DDX51: variants seen among roughly 807,000 people sequenced by gnomAD.
DDX51 encodes ATP-dependent RNA helicase DDX51.
Under a neutral mutation model 74.6 loss-of-function variants are expected in DDX51, and 67 were observed. The observed-to-expected ratio is 0.90, with a 90% CI of 0.74 to 1.10. The LOEUF is 1.10. Among genes scored for constraint, DDX51 ranks in the 50% least tolerant of loss-of-function variants. DDX51 has a pLI of 0.00. For synonymous variants in DDX51, 545 were observed against 402.9 expected, an observed-to-expected ratio of 1.35 and a Z score of -4.22; for missense variants, 1,056 against 905.2, an observed-to-expected ratio of 1.17 and a Z score of -2.14.
At position 132,144,290 on chromosome 12, in the gene DDX51, G is replaced by C. The variant is rs1897613252; in HGVS notation, c.7C>G (p.Leu3Val). 7.5e-7 allele frequency: 1 copy of C among 1,330,064 alleles called. No individual in the cohort carries two copies. 82.4% of individuals were successfully genotyped at this position (1,330,064 alleles called of 1,614,324 possible). A position where few individuals can be genotyped will look rare whatever the true frequency, so the allele number is the denominator to read the frequency against. MA[L>V]FYVARYPGPD... is the part of the protein sequence containing the mutation. ...CCCGGGTACCGCGCGACGTAGAACA[G>C]CGCCATGGCCAGCCGCACGCCTGGG... Residue 3 changes from leucine to valine, a missense_variant, in exon 1 of 15, where the codon CTG becomes GTG. Coordinates refer to ENST00000397333, the MANE Select transcript of DDX51 (RefSeq NM_175066.4).
rs759154788 is a variant in DDX51, at chr12:132,140,428, G to C, written c.1668C>G (p.Ile556Met). ...GCCCCTGCCCAGGAACTCACAGCTG[G>C]ATCTTCCCCTGTTCAAACTGCTTCA... The part of the protein sequence containing the change: ...MILKQFEQGK[I>M]QLLISTDATA... Residue 556 changes from isoleucine (I) to methionine (M), a missense_variant, in exon 11 of 15, where the codon ATC becomes ATG. By Grantham distance (10) the Ile-to-Met change is conservative. Transcript: ENST00000397333. The C allele has an allele frequency of 2.5e-6, 4 of 1,613,188 alleles. No individual in the cohort carries two copies. The highest frequency in any genetic ancestry group is 3.4e-6 in the Non-Finnish European group (4 of 1,180,000).
At position 132,137,520 on chromosome 12, in the gene DDX51, T is replaced by G. The variant is rs888246578; in HGVS notation, c.*1752A>C. 1.3e-5 allele frequency: 2 copies of G among 152,276 alleles called. No homozygotes were observed. The highest frequency in any genetic ancestry group is 2.9e-5 in the Non-Finnish European group (2 of 68,060). 9.4% of individuals were successfully genotyped at this position (152,276 alleles called of 1,614,324 possible). On this transcript the variant is annotated 3_prime_UTR_variant, in exon 15 of 15. Transcript: ENST00000397333. ...CTTTTGTGTTCTGCTGGCATTTGTTTGAACACAGTCCACAGGTTCAGTGGT... is the reference window on the plus strand; with the variant it reads ...CTTTTGTGTTCTGCTGGCATTTGTTGGAACACAGTCCACAGGTTCAGTGGT...
chr12:132,142,211 G>C (rs1295177329), intron 4 of DDX51, 21 bp from the exon 5 acceptor site: 1 of 1,582,350 alleles, frequency 6.3e-7, no homozygotes, highest in Non-Finnish European at 8.6e-7. Flanking sequence ...AGGAGCGCCT[G>C]CGTCAGCAAG....
At chr12:132,139,495 G>A (rs1300377686) in intron 14 of DDX51, 140 bp downstream of exon 14, 10 of 1,570,650 alleles carry the variant, frequency 6.4e-6, no homozygotes, top group African/African-American at 4.0e-5. Flanking sequence ...CCTTGGGCCA[G>A]AAGCTCGAGG....
At position 132,141,938 on chromosome 12, in the gene DDX51, T is replaced by C. The variant is rs1365185985; in HGVS notation, c.907A>G (p.Ile303Val). 3 of 1,613,110 alleles carry C rather than the reference T, an allele frequency of 1.9e-6. No homozygotes were observed. Among genetic ancestry groups the C allele is most frequent in the East Asian group, 2.2e-5 (1 of 44,880 alleles). Residue 303 changes from isoleucine (I) to valine (V), a missense_variant, in exon 6 of 15, where the codon ATC becomes GTC. Ile to Val is a conservative substitution (Grantham distance 29). Coordinates refer to ENST00000397333, the MANE Select transcript of DDX51 (RefSeq NM_175066.4). ...CTCAGAGGTGTGGCATCTGTGTAGA[T>C]GTTGAAAACTTTGCTCACCTGCAGG... ...LAQQVSKVFNIYTDATPLRVS... is the reference protein window; with the variant it reads ...LAQQVSKVFNVYTDATPLRVS...
At chr12:132,141,704 T>C (rs564541249) in intron 6 of DDX51, 98 bp from the exon 7 acceptor site, 3 of 1,470,578 alleles carry the variant, frequency 2.0e-6, no homozygotes, top group East Asian at 4.7e-5. Context: ...CCACCCCACA[T>C]GGGAAGGGGG....
Position 132,144,192 on chromosome 12 carries a change from G to C in DDX51, c.105C>G (p.Leu35=), listed in dbSNP as rs1394547696. The C allele has an allele frequency of 3.5e-5, 41 of 1,181,302 alleles. No individual in the cohort carries two copies. The highest frequency in any genetic ancestry group is 4.1e-5 in the Non-Finnish European group (39 of 956,254). 73.2% of individuals were successfully genotyped at this position (1,181,302 alleles called of 1,614,324 possible). The part of the protein sequence containing the change: ...AGAHGRARAL[L]ERLQSRARER... Reference sequence around the variant, plus strand: ...CGCGGGCCCGGCTCTGCAGCCGCTCGAGCAGCGCGCGGGCCCTGCCGTGCG... The same window carrying C: ...CGCGGGCCCGGCTCTGCAGCCGCTCCAGCAGCGCGCGGGCCCTGCCGTGCG... Residue 35 remains leucine, a synonymous_variant, in exon 1 of 15, where the codon CTC becomes CTG. Transcript: ENST00000397333.
chr12:132,142,928 C>A (rs763359193), intron 2 of DDX51, 50 bp from the exon 3 acceptor site: 11 of 1,607,162 alleles, frequency 6.8e-6, no homozygotes, highest in Middle Eastern at 1.6e-4. Flanking sequence ...CAGGCTCTCG[C>A]GCAGAAGCCC....
At position 132,139,905 on chromosome 12, in the gene DDX51, C is replaced by A. The variant is rs1296081736; in HGVS notation, c.1795G>T (p.Ala599Ser). 6.2e-7 allele frequency: 1 copy of A among 1,612,984 alleles called. No individual in the cohort carries two copies. The highest frequency in any genetic ancestry group is 1.1e-5 in the South Asian group (1 of 91,094). Residue 599 changes from alanine (A) to serine (S), a missense_variant, in exon 13 of 15, where the codon GCT (alanine) becomes TCT (serine). Ala to Ser is a moderately conservative substitution (Grantham distance 99). Transcript: ENST00000397333. ...GTGAAGGCCTGTCCAGTTTTCCCAG[C>A]GCGAGCTGTCCTCCCAACCCTGGAA... ...YVHRVGRTAR[A>S]GKTGQAFTLL...
At position 132,142,101 on chromosome 12, in the gene DDX51, G is replaced by T. The variant is rs752569085; in HGVS notation, c.888+18C>A. 1 of 1,555,774 alleles carries T rather than the reference G, an allele frequency of 6.4e-7. No individual in the cohort carries two copies. Among genetic ancestry groups the T allele is most frequent in the Admixed American group, 1.9e-5 (1 of 53,820 alleles). ...CTGAGGCGGGCGGTGCCACGCTCCA[G>T]GTCTAGGGTCCACATACCTGCTGGG... On this transcript the variant is annotated intron_variant, in intron 5 of 14. Coordinates refer to ENST00000397333, the MANE Select transcript of DDX51 (RefSeq NM_175066.4).
At chr12:132,140,316 C>T (rs1265888083) in intron 11 of DDX51, 107 bp downstream of exon 11, 7 of 1,558,752 alleles carry the variant, frequency 4.5e-6, no homozygotes, top group Middle Eastern at 1.8e-4. Flanking sequence ...GGGGCTGGGG[C>T]ACAGGAAGCC....
intron 8 of DDX51, 127 bp from the exon 9 acceptor site, chr12:132,141,147 G>A (rs1565954058): frequency 6.0e-6 from 9 of 1,492,840 alleles, no homozygotes; most frequent in Admixed American, 4.4e-5. Context: ...TCCAGCTCAC[G>A]TGACAGTACG....
Position 132,139,058 on chromosome 12 carries a change from C to T in DDX51, c.*214G>A, listed in dbSNP as rs1402716319. 4 of 643,374 alleles carry T rather than the reference C, an allele frequency of 6.2e-6. No homozygotes were observed. The highest frequency in any genetic ancestry group is 1.1e-5 in the Non-Finnish European group (4 of 379,864). The allele number at this position is 643,374 out of a possible 1,614,324, so 39.9% of individuals were successfully genotyped here. ...GCCCGCAGCCATCCTGACCTCCACACTCTGAAAGTGACAAGCCCTGAAGTC... is the reference window on the plus strand; with the variant it reads ...GCCCGCAGCCATCCTGACCTCCACATTCTGAAAGTGACAAGCCCTGAAGTC... On this transcript the variant is annotated 3_prime_UTR_variant, in exon 15 of 15. Transcript: ENST00000397333.
At chr12:132,142,935 G>A (rs1029049010) in intron 2 of DDX51, 57 bp from the exon 3 acceptor site, 2 of 1,605,104 alleles carry the variant, frequency 1.2e-6, no homozygotes, top group East Asian at 2.2e-5. Flanking sequence ...TCGCGCAGAA[G>A]CCCACGGTGG....
intron 2 of DDX51, 47 bp from the exon 3 acceptor site, chr12:132,142,925 T>C: frequency 1.2e-6 from 2 of 1,608,164 alleles, no homozygotes; most frequent in Middle Eastern, 3.3e-4. Flanking sequence ...TTCCAGGCTC[T>C]CGCGCAGAAG....
At chr12:132,143,631 G>A (rs1565956035) in intron 2 of DDX51, 64 bp downstream of exon 2, 5 of 1,517,422 alleles carry the variant, frequency 3.3e-6, no homozygotes, top group South Asian at 2.4e-5. Context: ...GGCGACCGCC[G>A]CACTTAAGAA....
In DDX51 at chr12:132,142,206, C is replaced by A; in HGVS notation, c.817-16G>T. ...AAAGCAGGGCCTGAGGGGGAAGGAG[C>A]GCCTGCGTCAGCAAGGCTGTTACCT... On this transcript the variant is annotated splice_polypyrimidine_tract_variant and intron_variant, in intron 4 of 14. Transcript: ENST00000397333. 1 of 1,576,504 alleles carries A rather than the reference C, an allele frequency of 6.3e-7. No homozygotes were observed. The highest frequency in any genetic ancestry group is 1.2e-5 in the South Asian group (1 of 85,654).
rs981190690 is a variant in DDX51 at position 132,138,351 on chromosome 12, T to C, written c.*921A>G. ...TTTTTTTGACGGAGTCTCACTCTGT[T>C]GCCCAGGCTGGAGTGCAGTGGCGCA... is the stretch of plus-strand genomic sequence containing the variant. On this transcript the variant is annotated 3_prime_UTR_variant, in exon 15 of 15. Coordinates refer to ENST00000397333, the MANE Select transcript of DDX51 (RefSeq NM_175066.4). The C allele has an allele frequency of 8.5e-5, 13 of 152,390 alleles. No homozygotes were observed. The highest frequency in any genetic ancestry group is 1.6e-4 in the Non-Finnish European group (11 of 68,178). 9.4% of individuals were successfully genotyped at this position (152,390 alleles called of 1,614,324 possible).
At position 132,143,774 on chromosome 12, in the gene DDX51, C is replaced by G; in HGVS notation, c.440G>C (p.Gly147Ala). The G allele has an allele frequency of 6.6e-7, 1 of 1,519,144 alleles. No individual in the cohort carries two copies. The highest frequency in any genetic ancestry group is 8.8e-7 in the Non-Finnish European group (1 of 1,138,042). The allele number at this position is 1,519,144 out of a possible 1,614,324, so 94.1% of individuals were successfully genotyped here. The change falls in exon 2 of 15, where the codon GGA becomes GCA. Residue 147 changes from glycine (G) to alanine (A), a missense_variant. Coordinates refer to ENST00000397333, the MANE Select transcript of DDX51 (RefSeq NM_175066.4). ...TCCGGCCGCCTCCTCCAGGGCCGGT[C>G]CATCTGGGGCCGCCTCGGCGCTGGC... is the stretch of plus-strand genomic sequence containing the variant. ...TSASAEAAPD[G>A]PALEEAAGPL... is the part of the protein sequence containing the mutation.
Sources: gnomAD v4.1 joint callset for allele counts on GRCh38, gnomAD v4.1.1 for gene constraint, MANE v1.5 for transcripts, NCBI Gene and HGNC (gene_info 2026-07-23, HGNC 2026-07-21) for gene names.